SLC12A3: variants seen among roughly 807,000 people sequenced by gnomAD.
SLC12A3 encodes the protein solute carrier family 12 member 3.
Under a neutral mutation model 121.0 loss-of-function variants are expected in SLC12A3, and 104 were observed. The ratio of observed to expected loss-of-function variants is 0.86; its 90% confidence interval spans 0.73 to 1.01. SLC12A3 has a LOEUF of 1.01. Ranked by LOEUF, SLC12A3 falls within the 50% of genes least tolerant of loss-of-function variation. SLC12A3 has a pLI of 0.00. For synonymous variants in SLC12A3, 536 were observed against 533.4 expected (o/e 1.00, Z -0.07); for missense variants, 1,328 against 1,356.3 (o/e 0.98, Z 0.33).
chr16:56,891,642 C>G (rs1214866872), intron 19 of SLC12A3, among the ~76,000 whole-genome samples: 3 of 152,212 alleles, frequency 2.0e-5, no homozygotes, highest in Non-Finnish European at 4.4e-5. Flanking sequence ...AGCCTCTGCT[C>G]TTGAGAAGCT....
chr16:56,891,405 G>C, intron 19 of SLC12A3, among the ~76,000 whole-genome samples: 1 of 147,132 alleles, frequency 6.8e-6, no homozygotes, highest in Non-Finnish European at 1.5e-5. Flanking sequence ...GAAATATCTA[G>C]AGGTGTGAAA....
chr16:56,879,158 C>G lies in SLC12A3; in HGVS notation c.1266C>G (p.Ser422Arg). 1 of 1,613,476 alleles carries G rather than the reference C, an allele frequency of 6.2e-7. No individual in the cohort carries two copies. Residue 422 changes from serine to arginine, a missense_variant, in exon 10 of 26, where the codon AGC becomes AGG. Coordinates refer to ENST00000563236, the MANE Select transcript of SLC12A3 (RefSeq NM_001126108.2). ...GTGCCTGCGAGGGGCTGGCCTGCAG[C>G]TATGGCTGGAACTTCACCGAGTGCA... is the stretch of plus-strand genomic sequence containing the variant. ...GWGACEGLAC[S>R]YGWNFTECTQ...
At chr16:56,866,326 C>T (rs139250309) in intron 1 of SLC12A3, among the ~76,000 whole-genome samples, 2 of 152,258 alleles carry the variant, frequency 1.3e-5, no homozygotes, top group African/African-American at 4.8e-5. Context: ...TTACTAAATT[C>T]GCAGGCCTTT....
At chr16:56,866,967 G>A (rs1171783189) in intron 1 of SLC12A3, 103 bp from the exon 2 acceptor site, 5 of 1,495,874 alleles carry the variant, frequency 3.3e-6, no homozygotes, top group African/African-American at 1.4e-5. Flanking sequence ...AGGGGTCGGG[G>A]GGTGCTCGGT....
At chr16:56,870,897 C>G (rs541908310) in intron 6 of SLC12A3, among the ~76,000 whole-genome samples, 161 bp downstream of exon 6, 6 of 151,496 alleles carry the variant, frequency 4.0e-5, no homozygotes, top group Admixed American at 3.3e-4. Flanking sequence ...TGCAGTGGTA[C>G]CATCTCGGCT....
In SLC12A3 at chr16:56,888,039, G is replaced by A. The variant is rs199854613; in HGVS notation, c.2285+8G>A. Reference sequence around the variant, plus strand: ...CTACATTGGCATCCTCCAGTGAGTCGGGGGAGAGGAAGGGGCTTGGGGTCT... The same window carrying A: ...CTACATTGGCATCCTCCAGTGAGTCAGGGGAGAGGAAGGGGCTTGGGGTCT... On this transcript the variant is annotated splice_region_variant and intron_variant, in intron 18 of 25. Transcript: ENST00000563236. 260 of 1,597,194 alleles carry A rather than the reference G, an allele frequency of 1.6e-4. No homozygotes were observed. In the African/African-American group the frequency reaches 1.8e-3, roughly 11 times the overall value.
intron 24 of SLC12A3, 121 bp downstream of exon 24, chr16:56,902,629 C>T (rs2055554470): frequency 8.1e-7 from 1 of 1,238,798 alleles, no homozygotes; most frequent in African/African-American, 1.5e-5. Context: ...CCACTCCGGC[C>T]CCTGAGGTAT....
intron 10 of SLC12A3, 35 bp downstream of exon 10, chr16:56,879,262 G>T (rs780654017): frequency 1.2e-5 from 20 of 1,613,070 alleles, no homozygotes; most frequent in Non-Finnish European, 1.7e-5. Flanking sequence ...CAGACACAGT[G>T]GGGGCTGGGT....
At chr16:56,892,887 C>A in intron 20 of SLC12A3, 66 bp from the exon 21 acceptor site, 1 of 1,357,824 alleles carries the variant, frequency 7.4e-7, no homozygotes. Context: ...TTGGCGGGGC[C>A]CTGGGCCAGG....
At chr16:56,870,549 G>A (rs1436049750) in intron 5 of SLC12A3, 77 bp from the exon 6 acceptor site, 2 of 980,352 alleles carry the variant, frequency 2.0e-6, no homozygotes. Context: ...CACAGGAGGT[G>A]CCTCCTAGGT....
intron 12 of SLC12A3, among the ~76,000 whole-genome samples, chr16:56,880,706 GC>G (rs1328194804): frequency 6.6e-6 from 1 of 152,154 alleles, no homozygotes; most frequent in African/African-American, 2.4e-5. Flanking sequence ...AGTTCCAAGG[GC>G]CTAGGGCTTC....
At chr16:56,882,048 C>CAA (rs34001750) in intron 12 of SLC12A3, among the ~76,000 whole-genome samples, 2 of 127,224 alleles carry the variant, frequency 1.6e-5, no homozygotes, top group Non-Finnish European at 1.7e-5. Flanking sequence ...GAGTCCGTCT[C>CAA]AAAAAAAAAA....
At chr16:56,879,047 C>T (rs1473911800) in intron 9 of SLC12A3, 26 bp from the exon 10 acceptor site, 1 of 1,592,134 alleles carries the variant, frequency 6.3e-7, no homozygotes, top group Non-Finnish European at 8.5e-7. Context: ...AGGCAGACCT[C>T]CCCATGCTCT....
At chr16:56,866,633 C>T (rs1211581023) in intron 1 of SLC12A3, among the ~76,000 whole-genome samples, 2 of 152,162 alleles carry the variant, frequency 1.3e-5, no homozygotes, top group Non-Finnish European at 2.9e-5. Context: ...GTGTTATGAG[C>T]AGGAGCGCCC....
rs368684708 is a variant in SLC12A3 at position 56,870,748 on chromosome 16, A to G, written c.852+12A>G. ...AGTGGGAGTCCAAGGTGAGGAGGCCATGGAGGAGGGGGACATGGAGGTGGT... is the reference window on the plus strand; with the variant it reads ...AGTGGGAGTCCAAGGTGAGGAGGCCGTGGAGGAGGGGGACATGGAGGTGGT... On this transcript the variant is annotated intron_variant, in intron 6 of 25. Coordinates refer to ENST00000563236, the MANE Select transcript of SLC12A3 (RefSeq NM_001126108.2). The G allele has an allele frequency of 1.9e-6, 3 of 1,558,866 alleles. No homozygotes were observed. The highest frequency in any genetic ancestry group is 2.7e-5 in the African/African-American group (2 of 73,764).
Position 56,903,383 on chromosome 16 carries a change from T to A in SLC12A3, c.2856+875T>A, listed in dbSNP as rs547624465. On this transcript the variant is annotated intron_variant, in intron 24 of 25. Coordinates refer to ENST00000563236, the MANE Select transcript of SLC12A3 (RefSeq NM_001126108.2). ...AGCGATGGGGGCAAGGGCCGGGTCC[T>A]ACTTCTACCCCCAGTGTCAGTCATT... Among the ~76,000 whole-genome samples, 38 of 152,280 alleles carry A rather than the reference T, an allele frequency of 2.5e-4. No homozygotes were observed. In the South Asian group the frequency reaches 7.9e-3, roughly 32 times the overall value.
intron 25 of SLC12A3, chr16:56,906,657 G>A (rs1217760414): frequency 9.7e-6 from 4 of 411,418 alleles, no homozygotes; most frequent in Admixed American, 3.3e-5. Context: ...AGAAATTCAG[G>A]ACCAACTAGC....
At chr16:56,905,769 C>T (rs959174113) in intron 25 of SLC12A3, among the ~76,000 whole-genome samples, 1 of 152,152 alleles carries the variant, frequency 6.6e-6, no homozygotes, top group Non-Finnish European at 1.5e-5. Context: ...TAAAAAATCT[C>T]ACAGTGGTGG....
chr16:56,869,779 G>A lies in SLC12A3; in HGVS notation c.556G>A (p.Gly186Ser), dbSNP rs776276705. Residue 186 changes from glycine to serine, a missense_variant, in exon 4 of 26, where the codon GGC (glycine) becomes AGC (serine). Transcript: ENST00000563236. ...LLSVTVTSIT[G>S]LSISAISTNG... is the part of the protein sequence containing the mutation. Reference sequence around the variant, plus strand: ...GTCGGTCACGGTGACCTCCATCACAGGCCTCTCCATCTCAGCCATCTCCAC... The same window carrying A: ...GTCGGTCACGGTGACCTCCATCACAAGCCTCTCCATCTCAGCCATCTCCAC... The A allele has an allele frequency of 2.5e-6, 4 of 1,613,994 alleles. No homozygotes were observed. Among genetic ancestry groups the A allele is most frequent in the Non-Finnish European group, 3.4e-6 (4 of 1,180,010 alleles).
Sources: allele counts gnomAD v4.1 joint callset (sites outside exome capture counted in the v4.1 genomes callset), GRCh38; gene constraint gnomAD v4.1.1; transcripts MANE v1.5; gene names NCBI Gene and HGNC (gene_info 2026-07-23, HGNC 2026-07-21).